Variants in WDR72 observed in about 807,000 individuals in gnomAD.
WDR72 encodes the protein WD repeat-containing protein 72.
Under a neutral mutation model 124.2 loss-of-function variants are expected in WDR72, and 120 were observed. That is an observed-to-expected ratio of 0.97 (90% CI 0.83 to 1.12). The LOEUF (loss-of-function observed/expected upper bound fraction) is 1.12. Ranked by LOEUF, WDR72 falls within the 50% of genes most tolerant of loss-of-function variation. The pLI is 0.00. For missense variants in WDR72, 1,387 were observed against 1,278.8 expected (o/e 1.08, Z -1.29); for synonymous variants, 452 against 441.7 (o/e 1.02, Z -0.29).
chr15:53,693,663 C>A (rs575776699), intron 13 of WDR72, among the ~76,000 whole-genome samples: 1 of 152,278 alleles, frequency 6.6e-6, no homozygotes, highest in South Asian at 2.1e-4. Flanking sequence ...CAGCTAACTA[C>A]TACTATTTCT....
intron 17 of WDR72, among the ~76,000 whole-genome samples, chr15:53,601,031 A>G (rs1002553217): frequency 2.0e-5 from 3 of 152,124 alleles, no homozygotes; most frequent in African/African-American, 7.2e-5. Flanking sequence ...TTCTAGAGCT[A>G]ATTTTGCTCT....
intron 2 of WDR72, among the ~76,000 whole-genome samples, chr15:53,731,965 AT>A (rs1014751702): frequency 6.6e-5 from 10 of 152,356 alleles, no homozygotes; most frequent in African/African-American, 2.2e-4. Context: ...TAGCCAGAAA[AT>A]AATACACTTA....
chr15:53,687,197 G>T lies in WDR72; in HGVS notation c.1765+12553C>A, dbSNP rs895107464. ...ACATTCAAAAGCTAGCAGAAGGCAA[G>T]AAATAACTAAAATCAGAGCAGAACT... On this transcript the variant is annotated intron_variant, in intron 13 of 19. Transcript: ENST00000360509. Among the ~76,000 whole-genome samples, 12 of 147,588 alleles carry T rather than the reference G, an allele frequency of 8.1e-5. 1 individual carries two copies. The highest frequency in any genetic ancestry group is 1.8e-4 in the Non-Finnish European group (12 of 67,144).
rs993261302 is a variant in WDR72, at chr15:53,711,299, C to A, written c.857+37G>T. The A allele has an allele frequency of 1.2e-5, 20 of 1,613,792 alleles. No homozygotes were observed. The African/African-American group carries it at 2.5e-4, about 20-fold the overall frequency. ...TAAACCTCCCAAAGTTCATTTTCTA[C>A]CTGAATGTTTTGTATGCCGCTCCCA... On this transcript the variant is annotated intron_variant, in intron 8 of 19. Coordinates refer to ENST00000360509, the MANE Select transcript of WDR72 (RefSeq NM_182758.4).
At chr15:53,710,060 G>A (rs1004416080) in intron 9 of WDR72, among the ~76,000 whole-genome samples, 1 of 152,126 alleles carries the variant, frequency 6.6e-6, no homozygotes, top group African/African-American at 2.4e-5. Context: ...AAATTTTCAG[G>A]CTTCCTAGAA....
intron 18 of WDR72, among the ~76,000 whole-genome samples, chr15:53,549,459 C>T (rs1893635110): frequency 6.6e-6 from 1 of 152,060 alleles, no homozygotes; most frequent in African/African-American, 2.4e-5. Context: ...TCAAAACGAC[C>T]CTGCCGAATA....
At chr15:53,549,397 A>G (rs1389785341) in intron 18 of WDR72, among the ~76,000 whole-genome samples, 1 of 151,752 alleles carries the variant, frequency 6.6e-6, no homozygotes, top group Non-Finnish European at 1.5e-5. Context: ...TTCAATTTTC[A>G]GGTTTGGATG....
chr15:53,608,680 T>C (rs994376223), intron 17 of WDR72, among the ~76,000 whole-genome samples: 1 of 151,880 alleles, frequency 6.6e-6, no homozygotes, highest in Non-Finnish European at 1.5e-5. Flanking sequence ...CACTTGAGCC[T>C]GGAAGAACGA....
intron 13 of WDR72, among the ~76,000 whole-genome samples, chr15:53,685,436 C>T (rs1480679492): frequency 7.5e-5 from 10 of 133,300 alleles, no homozygotes; most frequent in South Asian, 5.1e-4. Context: ...GGAGCCGACG[C>T]GATCAACTGG....
chr15:53,601,995 T>C (rs2013065195), intron 17 of WDR72, among the ~76,000 whole-genome samples: 1 of 151,894 alleles, frequency 6.6e-6, no homozygotes, highest in Admixed American at 6.6e-5. Context: ...CAAATGGACC[T>C]GATGTCTATA....
At chr15:53,538,578 A>C (rs1892889930) in intron 18 of WDR72, among the ~76,000 whole-genome samples, 1 of 152,162 alleles carries the variant, frequency 6.6e-6, no homozygotes, top group Non-Finnish European at 1.5e-5. Flanking sequence ...TAACATCAAA[A>C]AATTCTCTTT....
intron 14 of WDR72, among the ~76,000 whole-genome samples, chr15:53,656,822 GT>G (rs949761630): frequency 4.6e-5 from 7 of 151,706 alleles, no homozygotes; most frequent in African/African-American, 1.7e-4. Context: ...GAACCAACAA[GT>G]TTGCTCAATA....
intron 18 of WDR72, among the ~76,000 whole-genome samples, chr15:53,559,744 A>G (rs1031355912): frequency 1.3e-5 from 2 of 151,918 alleles, no homozygotes; most frequent in African/African-American, 4.8e-5. Flanking sequence ...GAGAAAGAAA[A>G]ATCATTAGGA....
chr15:53,699,624 A>G, intron 13 of WDR72, 126 bp downstream of exon 13: 3 of 1,015,806 alleles, frequency 3.0e-6, no homozygotes, highest in Non-Finnish European at 4.4e-6. Flanking sequence ...AAGCCATTAA[A>G]TGCAGCCCAA....
At chr15:53,713,032 A>T (rs1227750353) in intron 6 of WDR72, 141 bp from the exon 7 acceptor site, 58 of 927,134 alleles carry the variant, frequency 6.3e-5, no homozygotes, top group Non-Finnish European at 9.5e-5. Flanking sequence ...GAGTGTTTTG[A>T]ACTAAGAAGT....
At chr15:53,667,477 A>G (rs1403138493) in intron 13 of WDR72, among the ~76,000 whole-genome samples, 1 of 152,192 alleles carries the variant, frequency 6.6e-6, no homozygotes, top group Non-Finnish European at 1.5e-5. Context: ...CCTCAGGGAG[A>G]AAAAAATGAT....
At chr15:53,579,426 G>A (rs2011796285) in intron 18 of WDR72, among the ~76,000 whole-genome samples, 1 of 151,984 alleles carries the variant, frequency 6.6e-6, no homozygotes, top group Admixed American at 6.6e-5. Context: ...CCATCAAGTG[G>A]GACTTACAGG....
At chr15:53,627,630 G>A (rs568296437) in intron 14 of WDR72, among the ~76,000 whole-genome samples, 28 of 152,214 alleles carry the variant, frequency 1.8e-4, no homozygotes, top group African/African-American at 6.5e-4. Context: ...TAGGCCTGTG[G>A]AAAGCTTGAT....
intron 18 of WDR72, among the ~76,000 whole-genome samples, chr15:53,560,484 G>A (rs1042296103): frequency 2.6e-5 from 4 of 151,740 alleles, no homozygotes; most frequent in Non-Finnish European, 5.9e-5. Flanking sequence ...ATCCCATGGC[G>A]ACCCACCCCT....
Sources: gnomAD v4.1 joint callset for allele counts (sites outside exome capture counted in the v4.1 genomes callset) on GRCh38, gnomAD v4.1.1 for gene constraint, MANE v1.5 for transcripts, NCBI Gene and HGNC (gene_info 2026-07-23, HGNC 2026-07-21) for gene names.